YIPF3: variants seen among roughly 807,000 people sequenced by gnomAD.
YIPF3 encodes protein YIPF3.
In YIPF3, 18 loss-of-function variants were observed where a neutral mutation model predicts 40.3. That is an observed-to-expected ratio of 0.45 (90% CI 0.31 to 0.66). YIPF3 has a LOEUF of 0.66. Ranked by LOEUF, YIPF3 falls within the 30% of genes least tolerant of loss-of-function variation. YIPF3 has a pLI of 0.07. For missense variants in YIPF3, 406 were observed against 452.2 expected (o/e 0.90, Z 0.93); for synonymous variants, 190 against 179.6 (o/e 1.06, Z -0.46).
chr6:43,512,191 A>C lies in YIPF3; in HGVS notation c.1029T>G (p.Val343=). 6.2e-7 allele frequency: 1 copy of C among 1,614,200 alleles called. No individual in the cohort carries two copies. Among genetic ancestry groups the C allele is most frequent in the Non-Finnish European group, 8.5e-7 (1 of 1,180,032 alleles). The change falls in exon 9 of 9, where the codon GTT becomes GTG. Residue 343 remains valine, a synonymous_variant. Coordinates refer to ENST00000372422, the MANE Select transcript of YIPF3 (RefSeq NM_015388.4). ...GTCAGTGTGACTGCAGGGTCACCGC[A>C]ACAGCTTTGGCTGTGGCGTTGAGGA... ...TTVLNATAKA[V]AVTLQSH
chr6:43,514,698 C>T (rs760991912), intron 3 of YIPF3, among the ~76,000 whole-genome samples: 3 of 152,186 alleles, frequency 2.0e-5, no homozygotes, highest in Non-Finnish European at 4.4e-5. Context: ...ATTAGTTTAG[C>T]GTCTGGCACA....
intron 3 of YIPF3, chr6:43,515,311 A>G: frequency 1.9e-6 from 1 of 523,560 alleles, no homozygotes; most frequent in Non-Finnish European, 3.7e-6. Flanking sequence ...AGAGTTCTAT[A>G]GGAACACCAG....
intron 3 of YIPF3, chr6:43,515,378 A>C: frequency 3.1e-6 from 2 of 651,054 alleles, no homozygotes; most frequent in Non-Finnish European, 5.7e-6. Flanking sequence ...GTGACATCTG[A>C]GGTAGGTTTT....
chr6:43,512,654 G>C (rs1792696892), intron 7 of YIPF3, 91 bp from the exon 8 acceptor site: 2 of 1,541,272 alleles, frequency 1.3e-6, no homozygotes, highest in Non-Finnish European at 8.7e-7. Context: ...CCATCTTTGG[G>C]CTCTTCCCTC....
Position 43,512,329 on chromosome 6 carries a change from GGAAGGT to G in YIPF3, c.905-20_905-15del, listed in dbSNP as rs776037474. ...TGTCCAGGATCCCTGGAAGGAAGAT[GGAAGGT>G]GAGCGAGGATCAGATGGGCCCAGCC... is the stretch of plus-strand genomic sequence containing the variant. On this transcript the variant is annotated splice_polypyrimidine_tract_variant and intron_variant, in intron 8 of 8. Transcript: ENST00000372422. 6.2e-7 allele frequency: 1 copy of G among 1,611,110 alleles called. No homozygotes were observed. Among genetic ancestry groups the G allele is most frequent in the South Asian group, 1.1e-5 (1 of 90,696 alleles).
rs1276981202 is a variant in YIPF3 at position 43,515,720 on chromosome 6, G to C, written c.289-19C>G. The C allele has an allele frequency of 6.2e-7, 1 of 1,613,904 alleles. No individual in the cohort carries two copies. On this transcript the variant is annotated intron_variant, in intron 2 of 8. Transcript: ENST00000372422. The stretch of plus-strand genomic sequence containing the variant: ...GCCACATCTGAAGTAAGGAAGATGG[G>C]CATAGGTATTGTGGTACTGTTGGTT...
chr6:43,516,018 CA>C lies in YIPF3; in HGVS notation c.158del (p.Leu53ArgfsTer10). ...SGSSFEDMGELHQRLREEEVD... is the reference protein window; with the variant it reads ...SGSSFEDMGEXHQRLREEEVD... ...CTTCTTCCTCGCGCAGGCGCTGATG[CA>C]GCTCACCCATATCCTCGAAGCTAGA... On this transcript the variant is annotated frameshift_variant, in exon 2 of 9. Transcript: ENST00000372422. LOFTEE classifies it high-confidence loss of function. The C allele has an allele frequency of 6.2e-7, 1 of 1,614,262 alleles. No homozygotes were observed. The highest frequency in any genetic ancestry group is 8.5e-7 in the Non-Finnish European group (1 of 1,180,044).
Position 43,516,200 on chromosome 6 carries a change from C to T in YIPF3, c.82-105G>A, listed in dbSNP as rs542823766. ...CTTTGTTCTTCCACTGCTGAGGATA[C>T]GGCTTGGAATCACTACAGATCATGC... On this transcript the variant is annotated intron_variant, in intron 1 of 8. Coordinates refer to ENST00000372422, the MANE Select transcript of YIPF3 (RefSeq NM_015388.4). 4 of 1,543,418 alleles carry T rather than the reference C, an allele frequency of 2.6e-6. No individual in the cohort carries two copies. In the South Asian group the frequency reaches 4.8e-5, roughly 19 times the overall value.
chr6:43,516,421 C>G, intron 1 of YIPF3: 1 of 622,698 alleles, frequency 1.6e-6, no homozygotes, highest in East Asian at 2.9e-5. Context: ...ATGTTTTCAG[C>G]GAATGCCAGT....
At position 43,513,622 on chromosome 6, in the gene YIPF3, G is replaced by T; in HGVS notation, c.407C>A (p.Ser136Tyr). ...PAQVRSRLLESMIPIKMVNFP... is the reference protein window; with the variant it reads ...PAQVRSRLLEYMIPIKMVNFP... The stretch of plus-strand genomic sequence containing the variant: ...GTTGACCATCTTGATAGGGATCATG[G>T]ACTCCAGGAGCCTGGGAGAGGAGAG... The change falls in exon 4 of 9, where the codon TCC (serine) becomes TAC (tyrosine). Residue 136 changes from serine to tyrosine, a missense_variant. Transcript: ENST00000372422. The T allele has an allele frequency of 6.4e-7, 1 of 1,565,952 alleles. No homozygotes were observed. The highest frequency in any genetic ancestry group is 8.6e-7 in the Non-Finnish European group (1 of 1,156,220).
chr6:43,512,643 AC>A (rs1792696474), intron 7 of YIPF3, 80 bp from the exon 8 acceptor site: 2 of 1,544,800 alleles, frequency 1.3e-6, no homozygotes, highest in Admixed American at 2.0e-5. Flanking sequence ...CCAGGGCAGA[AC>A]CATCTTTGGG....
chr6:43,512,835 T>A lies in YIPF3; in HGVS notation c.706A>T (p.Thr236Ser), dbSNP rs754983702. ...LFGHCIVLFI[T>S]YNIHLHALFY... ...AGGGCGTGGAGGTGGATATTATAGG[T>A]GATGAACAGGACAATGCAATGCCCA... The change falls in exon 7 of 9, where the codon ACC (threonine) becomes TCC (serine). Residue 236 changes from threonine (T) to serine (S), a missense_variant. Thr to Ser is a moderately conservative substitution (Grantham distance 58). Coordinates refer to ENST00000372422, the MANE Select transcript of YIPF3 (RefSeq NM_015388.4). 6.2e-7 allele frequency: 1 copy of A among 1,613,784 alleles called. No individual in the cohort carries two copies. Among genetic ancestry groups the A allele is most frequent in the South Asian group, 1.1e-5 (1 of 91,076 alleles).
rs373524601 is a variant in YIPF3, at chr6:43,513,468, T to C, written c.442-17A>G. ...TGCAATTTTCTGTCAATATACCAAT[T>C]CATTCAGGCTGGAGGGTACAACAGC... On this transcript the variant is annotated splice_polypyrimidine_tract_variant and intron_variant, in intron 4 of 8. Coordinates refer to ENST00000372422, the MANE Select transcript of YIPF3 (RefSeq NM_015388.4). 111 of 1,613,960 alleles carry C rather than the reference T, an allele frequency of 6.9e-5. No individual in the cohort carries two copies. Among genetic ancestry groups the C allele is most frequent in the Non-Finnish European group, 9.0e-5 (106 of 1,179,954 alleles).
chr6:43,512,610 G>A (rs370562110), intron 7 of YIPF3, 47 bp from the exon 8 acceptor site: 14 of 1,576,430 alleles, frequency 8.9e-6, no homozygotes, highest in African/African-American at 8.1e-5. Context: ...CCAAAGTGAG[G>A]AGTGGGGACA....
intron 1 of YIPF3, 152 bp downstream of exon 1, chr6:43,516,575 G>A (rs1310967004): frequency 3.2e-6 from 3 of 923,598 alleles, no homozygotes; most frequent in African/African-American, 3.3e-5. Flanking sequence ...TCAGGTCAAT[G>A]TTAATCCCAC....
intron 4 of YIPF3, 57 bp from the exon 5 acceptor site, chr6:43,513,508 C>T (rs1229391142): frequency 6.2e-7 from 1 of 1,611,614 alleles, no homozygotes; most frequent in Admixed American, 1.7e-5. Context: ...CTGTTTATGG[C>T]TTCCCAGGAT....
chr6:43,511,925 G>A lies in YIPF3; in HGVS notation c.*242C>T, dbSNP rs1582170844. On this transcript the variant is annotated 3_prime_UTR_variant, in exon 9 of 9. Coordinates refer to ENST00000372422, the MANE Select transcript of YIPF3 (RefSeq NM_015388.4). ...AGGAAGGAAGGGGTAGGTGGGGAGG[G>A]GTTCTCAAAGGAGCTGACCCATTTT... 5 of 542,498 alleles carry A rather than the reference G, an allele frequency of 9.2e-6. No homozygotes were observed. The highest frequency in any genetic ancestry group is 2.0e-5 in the African/African-American group (1 of 51,058). 33.6% of individuals were successfully genotyped at this position (542,498 alleles called of 1,614,324 possible). A position where few individuals can be genotyped will look rare whatever the true frequency, so the allele number is the denominator to read the frequency against.
chr6:43,513,790 T>C (rs1561853217), intron 3 of YIPF3, 157 bp from the exon 4 acceptor site: 2 of 627,624 alleles, frequency 3.2e-6, no homozygotes, highest in South Asian at 6.2e-5. Context: ...TAAAGACAGA[T>C]AGGGAATGAG....
chr6:43,513,330 ACC>A, intron 5 of YIPF3, 27 bp downstream of exon 5: 1 of 1,613,488 alleles, frequency 6.2e-7, no homozygotes, highest in Non-Finnish European at 8.5e-7. Flanking sequence ...TAGTGCAGCC[ACC>A]CCCCCAAAGT....
Sources: allele counts gnomAD v4.1 joint callset (sites outside exome capture counted in the v4.1 genomes callset), GRCh38; gene constraint gnomAD v4.1.1; transcripts MANE v1.5; gene names NCBI Gene and HGNC (gene_info 2026-07-23, HGNC 2026-07-21).